G3BP2: variants seen among roughly 807,000 people sequenced by gnomAD.
The protein encoded by G3BP2 is G3BP stress granule assembly factor 2.
Under a neutral mutation model 56.7 loss-of-function variants are expected in G3BP2, and 11 were observed. That is an observed-to-expected ratio of 0.19 (90% confidence interval 0.12 to 0.32). The LOEUF (loss-of-function observed/expected upper bound fraction) is 0.32. Ranked by LOEUF, G3BP2 falls within the 10% of genes least tolerant of loss-of-function variation. G3BP2 has a pLI of 1.00. For synonymous variants in G3BP2, 165 were observed against 191.6 expected (o/e 0.86, Z 1.15); for missense variants, 340 against 610.9 (o/e 0.56, Z 4.67).
intron 3 of G3BP2, among the ~76,000 whole-genome samples, chr4:75,709,770 A>G (rs1183556250): frequency 5.3e-5 from 8 of 152,150 alleles, no homozygotes; most frequent in African/African-American, 1.9e-4. Flanking sequence ...CCTGGGCTCA[A>G]GGGATCCTTC....
At chr4:75,695,998 AAAAG>A in intron 3 of G3BP2, among the ~76,000 whole-genome samples, 1 of 4,892 alleles carries the variant, frequency 2.0e-4, no homozygotes, top group African/African-American at 7.8e-4. Context: ...AAAAAAAAAA[AAAAG>A]AGTTAACAGA....
Position 75,673,246 on chromosome 4 carries a change from T to G in G3BP2, c.-63A>C, listed in dbSNP as rs903361252. ...CGGCGGCGGGTACGTCGCGCGGAGG[T>G]CAGAAGAGTCGCTGAGGACCGGGTG... On this transcript the variant is annotated 5_prime_UTR_variant, in exon 1 of 12. Transcript: ENST00000359707. The G allele has an allele frequency of 8.2e-7, 1 of 1,219,852 alleles. No homozygotes were observed. 75.6% of individuals were successfully genotyped at this position (1,219,852 alleles called of 1,614,324 possible).
Position 75,702,125 on chromosome 4 carries a change from A to G in G3BP2, c.-25+18752T>C, listed in dbSNP as rs150746744. Among the ~76,000 whole-genome samples, 288 of 149,978 alleles carry G rather than the reference A, an allele frequency of 1.9e-3. 4 individuals are homozygous for G. In the East Asian group the frequency reaches 0.041, roughly 22 times the overall value. ...GCCCTTTTAAATCATTTATTTTCCT[A>G]TAAGTGCCGTTCCCCCCTACCTTAA... On this transcript the variant is annotated intron_variant, in intron 3 of 3. Transcript: ENST00000499709.
chr4:75,709,924 TG>T (rs1450767785), intron 3 of G3BP2, among the ~76,000 whole-genome samples: 1 of 152,108 alleles, frequency 6.6e-6, no homozygotes, highest in Non-Finnish European at 1.5e-5. Flanking sequence ...GGTCCTCACT[TG>T]GGTAAGAATA....
chr4:75,700,016 A>G (rs1719275989), intron 3 of G3BP2, among the ~76,000 whole-genome samples: 1 of 152,224 alleles, frequency 6.6e-6, no homozygotes, highest in Non-Finnish European at 1.5e-5. Flanking sequence ...ATGCAAAGAA[A>G]TCAACATAAA....
At chr4:75,678,926 T>C (rs56983102) in intron 3 of G3BP2, among the ~76,000 whole-genome samples, 33,442 of 152,284 alleles carry the variant, frequency 0.22, 3,985 homozygotes, top group Middle Eastern at 0.36. Flanking sequence ...TGAAAAAGTA[T>C]ATGCACCAAT....
At chr4:75,687,710 A>G (rs1718670637) in intron 3 of G3BP2, among the ~76,000 whole-genome samples, 1 of 152,210 alleles carries the variant, frequency 6.6e-6, no homozygotes, top group Non-Finnish European at 1.5e-5. Context: ...CCTAAAAGCA[A>G]TAACTTAACC....
rs185087263 is a variant in G3BP2 at position 75,666,289 on chromosome 4, T to C, written c.-24-4240A>G. Among the ~76,000 whole-genome samples the C allele has an allele frequency of 8.0e-3, 1,220 of 152,274 alleles. 10 individuals are homozygous for C. Among genetic ancestry groups the C allele is most frequent in the Non-Finnish European group, 0.012 (839 of 68,016 alleles). ...CTCAATAAATTAATACTTAGAACTA[T>C]TGGAAGGCAGTAACTTGAAAAGTTA... On this transcript the variant is annotated intron_variant, in intron 1 of 11. Coordinates refer to ENST00000359707, the MANE Select transcript of G3BP2 (RefSeq NM_203505.3).
chr4:75,697,099 C>A (rs929585702), intron 3 of G3BP2, among the ~76,000 whole-genome samples: 3 of 151,666 alleles, frequency 2.0e-5, no homozygotes, highest in Non-Finnish European at 2.9e-5. Flanking sequence ...CATGGTGAAA[C>A]CCCAACTCTA....
intron 2 of G3BP2, 118 bp from the exon 3 acceptor site, chr4:75,659,042 T>A: frequency 1.3e-6 from 1 of 784,380 alleles, no homozygotes; most frequent in Non-Finnish European, 2.2e-6. Flanking sequence ...TTGCGTGATC[T>A]TGGACAGGTA....
In G3BP2 at chr4:75,691,085, C is replaced by CT. The variant is rs374004384; in HGVS notation, c.-24-29037dup. On this transcript the variant is annotated intron_variant, in intron 3 of 3. Coordinates refer to the G3BP2 transcript ENST00000499709. ...AAATGTACATTTTGTTTCATTTATT[C>CT]TTTTTTTTTTTTGAGACAGACTCTT... Among the ~76,000 whole-genome samples, 104 of 145,144 alleles carry CT rather than the reference C, an allele frequency of 7.2e-4. 1 individual carries two copies. The highest frequency in any genetic ancestry group is 3.6e-3 in the Middle Eastern group (1 of 278).
chr4:75,656,928 A>G lies in G3BP2; in HGVS notation c.438T>C (p.Asp146=). Residue 146 remains aspartate (D), a synonymous_variant, in exon 5 of 12, where the codon GAT becomes GAC. Transcript: ENST00000359707. Reference sequence around the variant, plus strand: ...ATATCTTCAAAGTAACCTCACCTTCATCAAGTTCAGGCTCAGAATCACCAA... The same window carrying G: ...ATATCTTCAAAGTAACCTCACCTTCGTCAAGTTCAGGCTCAGAATCACCAA... ...EVFGDSEPEL[D]EESEDEVEEE... 7.0e-7 allele frequency: 1 copy of G among 1,428,808 alleles called. No individual in the cohort carries two copies. The highest frequency in any genetic ancestry group is 9.8e-7 in the Non-Finnish European group (1 of 1,017,622). 88.5% of individuals were successfully genotyped at this position (1,428,808 alleles called of 1,614,324 possible).
At position 75,646,902 on chromosome 4, in the gene G3BP2, G is replaced by C; in HGVS notation, c.1057+127C>G. ...TACTCCCTTCTGCACAATTAAGGTG[G>C]GTCTGGTAGCTGGACACAGTATAAA... On this transcript the variant is annotated intron_variant, in intron 10 of 11. Transcript: ENST00000359707. 5.1e-6 allele frequency: 3 copies of C among 586,160 alleles called. No individual in the cohort carries two copies. The South Asian group carries it at 7.0e-5, about 14-fold the overall frequency. 36.3% of individuals were successfully genotyped at this position (586,160 alleles called of 1,614,324 possible).
At chr4:75,661,246 A>G (rs1732527573) in intron 2 of G3BP2, among the ~76,000 whole-genome samples, 1 of 152,128 alleles carries the variant, frequency 6.6e-6, no homozygotes, top group Non-Finnish European at 1.5e-5. Flanking sequence ...CTCCTGACTC[A>G]GCCTCCTAAG....
intron 2 of G3BP2, among the ~76,000 whole-genome samples, chr4:75,660,316 G>C (rs921884477): frequency 3.9e-5 from 6 of 152,076 alleles, no homozygotes; most frequent in African/African-American, 1.4e-4. Flanking sequence ...TTTACAATTA[G>C]AGAATGACAT....
intron 8 of G3BP2, among the ~76,000 whole-genome samples, chr4:75,652,377 G>A (rs111868754): frequency 2.0e-5 from 3 of 152,108 alleles, no homozygotes; most frequent in Non-Finnish European, 2.9e-5. Context: ...AATCCCCACC[G>A]TTTGGGAGGC....
At chr4:75,657,256 T>A (rs979827726) in intron 4 of G3BP2, among the ~76,000 whole-genome samples, 2 of 152,208 alleles carry the variant, frequency 1.3e-5, no homozygotes, top group African/African-American at 4.8e-5. Context: ...AGCTATTTAA[T>A]AGAAAAGAAA....
chr4:75,709,609 C>T (rs1355218681), intron 3 of G3BP2, among the ~76,000 whole-genome samples: 1 of 151,824 alleles, frequency 6.6e-6, no homozygotes, highest in African/African-American at 2.4e-5. Context: ...AAGACTCTAT[C>T]TCAGAAAGAA....
intron 9 of G3BP2, 85 bp from the exon 10 acceptor site, chr4:75,647,242 T>A: frequency 2.3e-6 from 2 of 860,336 alleles, no homozygotes; most frequent in South Asian, 2.0e-5. Flanking sequence ...TCACTTAATA[T>A]TGATATTCCT....
Sources: gnomAD v4.1 joint callset for allele counts (sites outside exome capture counted in the v4.1 genomes callset) on GRCh38, gnomAD v4.1.1 for gene constraint, MANE v1.5 for transcripts, NCBI Gene and HGNC (gene_info 2026-07-23, HGNC 2026-07-21) for gene names.